The following ST6GALNAC5 variants were observed in gnomAD, a reference collection of about 807,000 sequenced individuals.
ST6GALNAC5 encodes the protein ST6 N-acetylgalactosaminide alpha-2,6-sialyltransferase 5, also known as alpha-N-acetylgalactosaminide alpha-2,6-sialyltransferase 5.
ST6GALNAC5 carries 27 observed loss-of-function variants against 33.6 expected under a neutral mutation model. The observed-to-expected ratio is 0.80, with a 90% CI of 0.59 to 1.11. The LOEUF is 1.11. ST6GALNAC5 is among the 50% of genes least tolerant of loss of function. The pLI is 0.00. For missense variants in ST6GALNAC5, 428 were observed against 454.0 expected (o/e 0.94, Z 0.52); for synonymous variants, 194 against 171.2 (o/e 1.13, Z -1.04).
intron 2 of ST6GALNAC5, among the ~76,000 whole-genome samples, chr1:76,974,346 T>C (rs2100369920): frequency 6.6e-6 from 1 of 151,616 alleles, no homozygotes; most frequent in South Asian, 2.1e-4. Context: ...ACTAGGATTA[T>C]AGACATGCAT....
intron 2 of ST6GALNAC5, among the ~76,000 whole-genome samples, chr1:76,974,957 T>C (rs1053349402): frequency 2.6e-5 from 4 of 151,646 alleles, no homozygotes; most frequent in Non-Finnish European, 5.9e-5. Context: ...GGCTAATTTT[T>C]TGTATTTTTA....
rs144573454 is a variant in ST6GALNAC5 at position 76,897,710 on chromosome 1, G to A, written c.261+28968G>A. ...GTAGCTGTAATCCAGGAATAGTCAG[G>A]GAAGCAGATAATTTAGTTAAAGTGT... On this transcript the variant is annotated intron_variant, in intron 2 of 4. Transcript: ENST00000477717. Among the ~76,000 whole-genome samples, 219 of 152,256 alleles carry A rather than the reference G, an allele frequency of 1.4e-3. 3 individuals carry two copies. In the East Asian group the frequency reaches 0.034, roughly 24 times the overall value.
intron 2 of ST6GALNAC5, among the ~76,000 whole-genome samples, chr1:77,036,693 T>G (rs1651656572): frequency 6.6e-6 from 1 of 152,262 alleles, no homozygotes; most frequent in Non-Finnish European, 1.5e-5. Flanking sequence ...TGTGGTTAAG[T>G]GCTTTACATG....
intron 2 of ST6GALNAC5, among the ~76,000 whole-genome samples, chr1:76,912,148 G>A (rs1011574861): frequency 6.6e-6 from 1 of 151,896 alleles, no homozygotes; most frequent in African/African-American, 2.4e-5. Context: ...TGGTTTCAGA[G>A]AACATCTTTA....
At chr1:76,937,959 G>T (rs1236569154) in intron 2 of ST6GALNAC5, among the ~76,000 whole-genome samples, 1 of 151,986 alleles carries the variant, frequency 6.6e-6, no homozygotes, top group Non-Finnish European at 1.5e-5. Flanking sequence ...GTCGGATTTA[G>T]TTTGCAGGCC....
chr1:76,872,108 CACACACACACCA>C (rs1177621670), intron 2 of ST6GALNAC5, among the ~76,000 whole-genome samples: 6 of 137,318 alleles, frequency 4.4e-5, no homozygotes, highest in African/African-American at 1.9e-4. Flanking sequence ...CACACACACA[CACACACACACCA>C]CACACATTAA....
chr1:76,964,313 A>G (rs1306312223), intron 2 of ST6GALNAC5, among the ~76,000 whole-genome samples: 2 of 152,100 alleles, frequency 1.3e-5, no homozygotes, highest in Non-Finnish European at 2.9e-5. Flanking sequence ...TCCTTCCACA[A>G]CCCACAATTG....
chr1:76,972,281 T>A (rs938038725), intron 2 of ST6GALNAC5, among the ~76,000 whole-genome samples: 2 of 152,134 alleles, frequency 1.3e-5, no homozygotes, highest in African/African-American at 4.8e-5. Flanking sequence ...GAGAACAGCA[T>A]GGGAAAGACC....
chr1:76,977,157 T>A (rs963882712), intron 2 of ST6GALNAC5, among the ~76,000 whole-genome samples: 4 of 152,202 alleles, frequency 2.6e-5, no homozygotes, highest in Non-Finnish European at 4.4e-5. Flanking sequence ...TTCCACTTTA[T>A]TTTTCATTAC....
intron 2 of ST6GALNAC5, among the ~76,000 whole-genome samples, chr1:76,881,872 T>G (rs1653790263): frequency 6.6e-6 from 1 of 152,194 alleles, no homozygotes; most frequent in Non-Finnish European, 1.5e-5. Context: ...AAGGAAAACT[T>G]AAGAATTATC....
At chr1:77,058,389 A>G (rs1263515400) in intron 4 of ST6GALNAC5, among the ~76,000 whole-genome samples, 1 of 152,198 alleles carries the variant, frequency 6.6e-6, no homozygotes, top group Non-Finnish European at 1.5e-5. Flanking sequence ...CAGATCCCTC[A>G]TGAATAGATT....
chr1:76,948,587 C>CAGAGAGAG (rs60959607), intron 2 of ST6GALNAC5, among the ~76,000 whole-genome samples: 13,346 of 129,374 alleles, frequency 0.1, 1,009 homozygotes, highest in Non-Finnish European at 0.14. Context: ...GGAGTGGGGA[C>CAGAGAGAG]AGAGAGAGAG....
chr1:77,006,136 G>GTT (rs34812424), intron 2 of ST6GALNAC5, among the ~76,000 whole-genome samples: 58 of 151,510 alleles, frequency 3.8e-4, no homozygotes, highest in Non-Finnish European at 6.3e-4. Flanking sequence ...GAAATGTGTA[G>GTT]TTTTTTTTGT....
At chr1:77,036,207 G>A (rs1450895164) in intron 2 of ST6GALNAC5, among the ~76,000 whole-genome samples, 1 of 152,114 alleles carries the variant, frequency 6.6e-6, no homozygotes, top group Non-Finnish European at 1.5e-5. Flanking sequence ...GAAATGTCCA[G>A]AAAAGGCCAA....
At chr1:76,936,069 G>A (rs1301262470) in intron 2 of ST6GALNAC5, among the ~76,000 whole-genome samples, 3 of 152,040 alleles carry the variant, frequency 2.0e-5, no homozygotes, top group African/African-American at 7.2e-5. Context: ...CCCTAGTGTA[G>A]TGGAAAGATT....
intron 2 of ST6GALNAC5, among the ~76,000 whole-genome samples, chr1:76,901,254 C>T (rs1412481492): frequency 6.6e-6 from 1 of 152,176 alleles, no homozygotes; most frequent in Non-Finnish European, 1.5e-5. Context: ...AATGTATTTT[C>T]CGTACATTGA....
chr1:76,879,259 C>T (rs995545522), intron 2 of ST6GALNAC5, among the ~76,000 whole-genome samples: 3 of 152,174 alleles, frequency 2.0e-5, no homozygotes, highest in Non-Finnish European at 4.4e-5. Context: ...TTCCAGCTCA[C>T]TCACAGTGAG....
chr1:76,934,238 A>C (rs994871401), intron 2 of ST6GALNAC5, among the ~76,000 whole-genome samples: 13 of 152,054 alleles, frequency 8.5e-5, no homozygotes, highest in Admixed American at 7.2e-4. Flanking sequence ...GACTAGCCCC[A>C]GGGAATGTAA....
At chr1:76,880,212 A>G (rs570120800) in intron 2 of ST6GALNAC5, among the ~76,000 whole-genome samples, 2 of 152,310 alleles carry the variant, frequency 1.3e-5, no homozygotes, top group East Asian at 3.9e-4. Context: ...GCGGTGAATC[A>G]GGAGTGTCAA....
Sources: gnomAD v4.1 joint callset for allele counts (sites outside exome capture counted in the v4.1 genomes callset) on GRCh38, gnomAD v4.1.1 for gene constraint, MANE v1.5 for transcripts, NCBI Gene and HGNC (gene_info 2026-07-23, HGNC 2026-07-21) for gene names.